STX8: variants seen among roughly 807,000 people sequenced by gnomAD.
STX8 encodes syntaxin-8.
In STX8, 23 loss-of-function variants were observed where a neutral mutation model predicts 37.5. The ratio of observed to expected loss-of-function variants is 0.61; its 90% CI spans 0.44 to 0.87. STX8 has a LOEUF of 0.87. Among genes scored for constraint, STX8 ranks in the 40% least tolerant of loss-of-function variants. STX8 has a pLI of 0.00. For synonymous variants in STX8, 115 were observed against 99.1 expected, an observed-to-expected ratio of 1.16 and a Z score of -0.95; for missense variants, 313 against 284.7, an observed-to-expected ratio of 1.10 and a Z score of -0.71.
intron 5 of STX8, among the ~76,000 whole-genome samples, chr17:9,498,334 G>T (rs896452835): frequency 2.0e-5 from 3 of 151,236 alleles, no homozygotes; most frequent in African/African-American, 7.3e-5. Context: ...AGGTTGTATT[G>T]AGTTGAGATC....
At chr17:9,414,783 C>CTTTTTTTTTTT (rs10552538) in intron 6 of STX8, among the ~76,000 whole-genome samples, 3 of 57,436 alleles carry the variant, frequency 5.2e-5, no homozygotes, top group African/African-American at 1.5e-4. Context: ...CTGAGTTCTG[C>CTTTTTTTTTTT]TTTTTTTTTT....
intron 1 of STX8, among the ~76,000 whole-genome samples, chr17:9,571,446 A>G (rs1374520985): frequency 6.7e-6 from 1 of 150,138 alleles, no homozygotes; most frequent in East Asian, 2.0e-4. Context: ...ACTATCAAGC[A>G]CACAGGTGCC....
chr17:9,538,809 T>G (rs1906161541), intron 4 of STX8, among the ~76,000 whole-genome samples: 1 of 152,178 alleles, frequency 6.6e-6, no homozygotes, highest in South Asian at 2.1e-4. Context: ...GCAGCTGAGT[T>G]AATCACATAA....
intron 3 of STX8, 47 bp from the exon 4 acceptor site, chr17:9,545,329 T>C: frequency 1.5e-6 from 2 of 1,366,796 alleles, no homozygotes; most frequent in Non-Finnish European, 1.0e-6. Context: ...TGACCTCGTT[T>C]TAACTATTAC....
chr17:9,428,174 C>A (rs1913707456), intron 6 of STX8, among the ~76,000 whole-genome samples: 2 of 152,192 alleles, frequency 1.3e-5, no homozygotes, highest in Non-Finnish European at 2.9e-5. Context: ...GAGGTAAATT[C>A]TCTTGACATC....
chr17:9,263,242 TGAG>T (rs1331273529), intron 7 of STX8, among the ~76,000 whole-genome samples: 3 of 151,992 alleles, frequency 2.0e-5, no homozygotes, highest in African/African-American at 7.2e-5. Context: ...TTTGGGAGGC[TGAG>T]GAGGGTGGAT....
At chr17:9,367,172 G>GTT (rs79285740) in intron 7 of STX8, among the ~76,000 whole-genome samples, 9 of 136,672 alleles carry the variant, frequency 6.6e-5, no homozygotes, top group East Asian at 2.2e-4. Context: ...TGTTTTTTTT[G>GTT]TTTTTTTTTT....
At position 9,354,318 on chromosome 17, in the gene STX8, CT is replaced by C. The variant is rs35460018; in HGVS notation, c.643+24233del. The stretch of plus-strand genomic sequence containing the variant: ...TTTCCTGGAATTAATAATTGTCTCA[CT>C]TTTTTTTTTTTTTTTTTTTTGAGAT... On this transcript the variant is annotated intron_variant, in intron 7 of 7. Transcript: ENST00000306357. Among the ~76,000 whole-genome samples the C allele has an allele frequency of 4.1e-3, 485 of 119,736 alleles. 2 individuals are homozygous for C. The highest frequency in any genetic ancestry group is 5.8e-3 in the South Asian group (21 of 3,640). The allele number at this position is 119,736 out of a possible 152,430, so 78.6% of individuals were successfully genotyped here. A position where few individuals can be genotyped will look rare whatever the true frequency, so the allele number is the denominator to read the frequency against.
chr17:9,351,176 C>CTTTTTTT (rs71135970), intron 7 of STX8, among the ~76,000 whole-genome samples: 120 of 99,818 alleles, frequency 1.2e-3, no homozygotes, highest in Non-Finnish European at 1.7e-3. Context: ...ATTTCCTTGT[C>CTTTTTTT]TTTTTTTTTT....
At chr17:9,315,688 T>C (rs1909360371) in intron 7 of STX8, among the ~76,000 whole-genome samples, 1 of 152,134 alleles carries the variant, frequency 6.6e-6, no homozygotes, top group Non-Finnish European at 1.5e-5. Context: ...TCGGAGGCTA[T>C]GCTTCCCAGC....
chr17:9,387,381 C>T (rs572695457), intron 6 of STX8, among the ~76,000 whole-genome samples: 4 of 152,180 alleles, frequency 2.6e-5, no homozygotes, highest in Admixed American at 1.3e-4. Context: ...CTGCAAGCTC[C>T]GCCTCCCGGG....
chr17:9,530,540 T>A (rs1905775191), intron 4 of STX8, among the ~76,000 whole-genome samples: 1 of 152,250 alleles, frequency 6.6e-6, no homozygotes, highest in Admixed American at 6.5e-5. Flanking sequence ...ATAATGACAT[T>A]GTGACTTGAC....
At chr17:9,259,637 G>A (rs561662727) in intron 7 of STX8, among the ~76,000 whole-genome samples, 6 of 152,208 alleles carry the variant, frequency 3.9e-5, no homozygotes, top group Non-Finnish European at 7.3e-5. Flanking sequence ...GCTGGCGGCG[G>A]TCAGCAGGCA....
At chr17:9,470,210 TGTC>T (rs2142435703) in intron 6 of STX8, among the ~76,000 whole-genome samples, 1 of 152,310 alleles carries the variant, frequency 6.6e-6, no homozygotes, top group East Asian at 1.9e-4. Context: ...GGAAAGAGAA[TGTC>T]GTGTCTCTTC....
chr17:9,362,895 A>C (rs1911113678), intron 7 of STX8, among the ~76,000 whole-genome samples: 2 of 151,952 alleles, frequency 1.3e-5, no homozygotes, highest in South Asian at 4.2e-4. Context: ...CCAATGAGAA[A>C]AACTATATAT....
chr17:9,532,009 T>A (rs1905837964), intron 4 of STX8, among the ~76,000 whole-genome samples: 1 of 152,194 alleles, frequency 6.6e-6, no homozygotes, highest in Non-Finnish European at 1.5e-5. Context: ...ACTTGATCAA[T>A]GACATGGAGT....
chr17:9,506,361 G>A (rs1033992759), intron 4 of STX8, among the ~76,000 whole-genome samples: 1 of 145,896 alleles, frequency 6.9e-6, no homozygotes, highest in South Asian at 2.2e-4. Context: ...ATGATGGGTG[G>A]GACATCAGCA....
intron 7 of STX8, among the ~76,000 whole-genome samples, chr17:9,286,412 G>GT (rs1338872612): frequency 5.3e-5 from 8 of 152,150 alleles, no homozygotes; most frequent in African/African-American, 1.9e-4. Flanking sequence ...AAAAAATATT[G>GT]TCTTGAACAC....
chr17:9,493,705 G>A (rs1172319641), intron 5 of STX8, among the ~76,000 whole-genome samples: 2 of 152,168 alleles, frequency 1.3e-5, no homozygotes, highest in African/African-American at 4.8e-5. Flanking sequence ...CCTTATCCCT[G>A]CTAGTTCTGT....
Sources: allele counts gnomAD v4.1 joint callset (sites outside exome capture counted in the v4.1 genomes callset), GRCh38; gene constraint gnomAD v4.1.1; transcripts MANE v1.5; gene names NCBI Gene and HGNC (gene_info 2026-07-23, HGNC 2026-07-21).